Variants in NBAS observed in about 807,000 individuals in gnomAD.
NBAS encodes the protein NAG/BC035112 fusion.
NBAS carries 219 observed loss-of-function variants against 302.5 expected under a neutral mutation model. That is an observed-to-expected ratio of 0.72 (90% CI 0.65 to 0.81). The LOEUF is 0.81. NBAS is among the 30% of genes least tolerant of loss of function. The pLI is 0.00. For missense variants in NBAS, 2,932 were observed against 2,841.6 expected, an observed-to-expected ratio of 1.03 and a Z score of -0.72; for synonymous variants, 1,118 against 1,021.6, an observed-to-expected ratio of 1.09 and a Z score of -1.80.
the NBAS span, among the ~76,000 whole-genome samples, chr2:15,041,615 G>C: frequency 6.6e-6 from 1 of 152,196 alleles, no homozygotes; most frequent in Non-Finnish European, 1.5e-5. Context: ...CTCAGATGTG[G>C]GGCAGGCTAT....
At chr2:15,267,519 G>T (rs1669133156) in intron 44 of NBAS, among the ~76,000 whole-genome samples, 2 of 152,102 alleles carry the variant, frequency 1.3e-5, no homozygotes. Context: ...ATTTAGTGGG[G>T]GAGAAGGTTA....
intron 30 of NBAS, among the ~76,000 whole-genome samples, chr2:15,376,562 G>A (rs1183174449): frequency 6.6e-6 from 1 of 152,140 alleles, no homozygotes; most frequent in Non-Finnish European, 1.5e-5. Context: ...CATGGTTTGT[G>A]AAACATAATT....
At chr2:14,981,095 A>G in the NBAS span, among the ~76,000 whole-genome samples, 7 of 152,176 alleles carry the variant, frequency 4.6e-5, no homozygotes, top group Non-Finnish European at 8.8e-5. Flanking sequence ...TTTATCAAAT[A>G]AATAATGCTG....
At chr2:15,394,489 T>C in intron 27 of NBAS, 140 bp from the exon 28 acceptor site, 2 of 825,392 alleles carry the variant, frequency 2.4e-6, no homozygotes, top group Non-Finnish European at 3.8e-6. Flanking sequence ...ACATATAACG[T>C]TGATTCTCAG....
intron 49 of NBAS, among the ~76,000 whole-genome samples, chr2:15,188,413 G>GA (rs1361851786): frequency 1.3e-5 from 2 of 152,062 alleles, no homozygotes; most frequent in African/African-American, 4.8e-5. Context: ...TGTCTAAAAG[G>GA]AAAAAATATT....
chr2:15,519,093 A>G (rs1362286688), intron 9 of NBAS, among the ~76,000 whole-genome samples: 1 of 152,220 alleles, frequency 6.6e-6, no homozygotes. Flanking sequence ...TAGAATCAGA[A>G]GTATCAAGTT....
chr2:14,789,778 C>T, the NBAS span, among the ~76,000 whole-genome samples: 1 of 152,164 alleles, frequency 6.6e-6, no homozygotes, highest in Non-Finnish European at 1.5e-5. Context: ...GGCCATCTCC[C>T]CATGACAGAC....
At chr2:14,976,720 TC>T in the NBAS span, among the ~76,000 whole-genome samples, 189 of 152,226 alleles carry the variant, frequency 1.2e-3, 1 homozygote, top group African/African-American at 4.4e-3. Context: ...GGGCCCTAAT[TC>T]CAATAACAAG....
At chr2:15,416,688 C>G (rs1345866198) in intron 24 of NBAS, among the ~76,000 whole-genome samples, 3 of 151,804 alleles carry the variant, frequency 2.0e-5, no homozygotes, top group African/African-American at 7.3e-5. Context: ...CGCCTGTAAT[C>G]CCAGCTACTC....
At chr2:15,442,116 AG>A (rs1414135307) in intron 21 of NBAS, among the ~76,000 whole-genome samples, 2 of 130,560 alleles carry the variant, frequency 1.5e-5, no homozygotes, top group African/African-American at 2.9e-5. Flanking sequence ...ATAGTTAACA[AG>A]GATACCCAGG....
At position 15,218,851 on chromosome 2, in the gene NBAS, G is replaced by A. The variant is rs374768832; in HGVS notation, c.6354C>T (p.His2118=). 167 of 1,614,164 alleles carry A rather than the reference G, an allele frequency of 1.0e-4. No individual in the cohort carries two copies. The highest frequency in any genetic ancestry group is 1.4e-4 in the Non-Finnish European group (164 of 1,180,062). Residue 2118 remains histidine (H), a synonymous_variant, in exon 48 of 52, where the codon CAC becomes CAT. Transcript: ENST00000281513. ...HVLQILGQSF[H]LTEEDSKLLV... ...GGAGCTTGCTGTCCTCCTCAGTCAG[G>A]TGAAATGATTGCCCCAAAATCTGCA...
At chr2:15,270,278 C>T (rs1669256461) in intron 44 of NBAS, among the ~76,000 whole-genome samples, 1 of 152,150 alleles carries the variant, frequency 6.6e-6, no homozygotes, top group South Asian at 2.1e-4. Flanking sequence ...GATTCTCCTG[C>T]CTCAGCCTCC....
chr2:15,137,913 C>A, the NBAS span, among the ~76,000 whole-genome samples: 1 of 152,184 alleles, frequency 6.6e-6, no homozygotes, highest in South Asian at 2.1e-4. Context: ...GTAGCTGGGA[C>A]TACAGGCCAC....
rs1035465764 is a variant in NBAS, at chr2:15,440,745, T to C, written c.2340-12951A>G. The stretch of plus-strand genomic sequence containing the variant: ...GAAATTCAAACCAAAGGCAAAGAAT[T>C]TGAAAACTTTGAAAAAAATTTAGAC... On this transcript the variant is annotated intron_variant, in intron 21 of 51. Transcript: ENST00000281513. Among the ~76,000 whole-genome samples the C allele has an allele frequency of 2.6e-5, 4 of 152,116 alleles. No homozygotes were observed. The East Asian group carries it at 5.8e-4, about 22-fold the overall frequency.
At chr2:14,783,202 G>C in the NBAS span, among the ~76,000 whole-genome samples, 1 of 152,150 alleles carries the variant, frequency 6.6e-6, no homozygotes, top group Non-Finnish European at 1.5e-5. Context: ...GACTATGAAT[G>C]AATGAACTAG....
At chr2:15,175,157 G>A (rs965330922) in intron 51 of NBAS, among the ~76,000 whole-genome samples, 25 of 152,134 alleles carry the variant, frequency 1.6e-4, no homozygotes, top group African/African-American at 3.9e-4. Flanking sequence ...TAGTGGAGAC[G>A]GGGTTTCACC....
intron 38 of NBAS, among the ~76,000 whole-genome samples, chr2:15,326,937 A>C: frequency 6.6e-6 from 1 of 152,146 alleles, no homozygotes; most frequent in East Asian, 1.9e-4. Flanking sequence ...GGGGGGAATT[A>C]GCAGTTCTAT....
the NBAS span, among the ~76,000 whole-genome samples, chr2:14,964,578 C>A: frequency 6.3e-4 from 96 of 152,080 alleles, 1 homozygote; most frequent in Non-Finnish European, 1.3e-3. Flanking sequence ...GACAAATAGA[C>A]AAACCCACAG....
At chr2:15,561,069 C>A in intron 1 of NBAS, 119 bp downstream of exon 1, 1 of 893,816 alleles carries the variant, frequency 1.1e-6, no homozygotes, top group Non-Finnish European at 1.9e-6. Context: ...CCGCACAAGC[C>A]AACCGGCCCT....
Sources: allele counts gnomAD v4.1 joint callset (sites outside exome capture counted in the v4.1 genomes callset), GRCh38; gene constraint gnomAD v4.1.1; transcripts MANE v1.5; gene names NCBI Gene and HGNC (gene_info 2026-07-23, HGNC 2026-07-21).